The following PHLPP1 variants were observed in gnomAD, a reference collection of about 807,000 sequenced individuals.
PHLPP1 encodes the protein PH domain leucine-rich repeat-containing protein phosphatase 1.
Under a neutral mutation model 117.2 loss-of-function variants are expected in PHLPP1, and 42 were observed. The ratio of observed to expected loss-of-function variants is 0.36; its 90% CI spans 0.28 to 0.46. The LOEUF (loss-of-function observed/expected upper bound fraction) is 0.46. Ranked by LOEUF, PHLPP1 falls within the 20% of genes least tolerant of loss-of-function variation. The pLI is 1.00. For synonymous variants in PHLPP1, 1,042 were observed against 970.7 expected, an observed-to-expected ratio of 1.07 and a Z score of -1.37; for missense variants, 2,084 against 2,241.9, an observed-to-expected ratio of 0.93 and a Z score of 1.42.
chr18:62,767,489 A>G (rs1912587623), intron 1 of PHLPP1, among the ~76,000 whole-genome samples: 2 of 152,228 alleles, frequency 1.3e-5, no homozygotes, highest in African/African-American at 2.4e-5. Context: ...TCTTCCGTAC[A>G]TGAAAAGTTA....
chr18:62,847,772 A>T (rs773304107), intron 3 of PHLPP1, among the ~76,000 whole-genome samples: 1 of 151,996 alleles, frequency 6.6e-6, no homozygotes. Flanking sequence ...AAAAGACCAG[A>T]CTCTCACACC....
intron 4 of PHLPP1, among the ~76,000 whole-genome samples, chr18:62,880,132 G>GA (rs1290590829): frequency 1.3e-5 from 2 of 151,946 alleles, no homozygotes; most frequent in Non-Finnish European, 2.9e-5. Context: ...AAGAACTCAA[G>GA]AAATGTTTAG....
chr18:62,802,686 C>G (rs1209279585), intron 1 of PHLPP1, among the ~76,000 whole-genome samples: 4 of 151,968 alleles, frequency 2.6e-5, no homozygotes, highest in African/African-American at 4.8e-5. Context: ...ATGTTTTCAT[C>G]CATTTTTCTA....
intron 4 of PHLPP1, among the ~76,000 whole-genome samples, chr18:62,862,951 C>T (rs181026169): frequency 4.6e-5 from 7 of 151,982 alleles, no homozygotes; most frequent in African/African-American, 1.7e-4. Context: ...GAATTAATTA[C>T]GTAGGCAATC....
chr18:62,958,731 C>G lies in PHLPP1; in HGVS notation c.3427C>G (p.Leu1143Val). 1 of 1,614,012 alleles carries G rather than the reference C, an allele frequency of 6.2e-7. No homozygotes were observed. The highest frequency in any genetic ancestry group is 8.5e-7 in the Non-Finnish European group (1 of 1,179,880). Residue 1143 changes from leucine to valine, a missense_variant, in exon 13 of 17, where the codon CTT becomes GTT. Transcript: ENST00000262719. ...LDLTGNPRLV[L>V]DHKTLELLNN... Reference sequence around the variant, plus strand: ...CCTGACTGGAAACCCGCGCCTTGTCCTTGATCACAAAACCCTGGAACTACT... The same window carrying G: ...CCTGACTGGAAACCCGCGCCTTGTCGTTGATCACAAAACCCTGGAACTACT...
chr18:62,761,247 G>A (rs1359124733), intron 1 of PHLPP1, among the ~76,000 whole-genome samples: 4 of 152,148 alleles, frequency 2.6e-5, no homozygotes, highest in African/African-American at 9.7e-5. Context: ...TAAAAGCATT[G>A]CAGCATCTCT....
At chr18:62,804,336 A>T (rs1301554000) in intron 1 of PHLPP1, among the ~76,000 whole-genome samples, 4 of 152,110 alleles carry the variant, frequency 2.6e-5, no homozygotes, top group Non-Finnish European at 5.9e-5. Context: ...GGGGAAACAG[A>T]GTCAAACCAT....
chr18:62,848,880 C>T (rs1028054527), intron 3 of PHLPP1, among the ~76,000 whole-genome samples: 4 of 152,162 alleles, frequency 2.6e-5, no homozygotes. Flanking sequence ...TTAAGTTCTA[C>T]TACCTTACTC....
chr18:62,837,522 G>T (rs1914939900), intron 2 of PHLPP1, among the ~76,000 whole-genome samples: 2 of 151,968 alleles, frequency 1.3e-5, no homozygotes, highest in African/African-American at 4.8e-5. Flanking sequence ...TTTATCAATT[G>T]TACTAGTTTT....
chr18:62,917,396 T>TGTGTGTGTGTGTGTGTG (rs1909321733), intron 9 of PHLPP1, among the ~76,000 whole-genome samples: 404 of 141,488 alleles, frequency 2.9e-3, no homozygotes, highest in Non-Finnish European at 3.9e-3. Context: ...ACAGTATTCT[T>TGTGTGTGTGTGTGTGTG]TGTGTGTGTG....
At position 62,716,628 on chromosome 18, in the gene PHLPP1, C is replaced by T. The variant is rs1910749555; in HGVS notation, c.945C>T (p.Arg315=). The T allele has an allele frequency of 1.5e-6, 2 of 1,345,222 alleles. No homozygotes were observed. The highest frequency in any genetic ancestry group is 3.1e-5 in the African/African-American group (2 of 65,138). The allele number at this position is 1,345,222 out of a possible 1,614,324, so 83.3% of individuals were successfully genotyped here. A position where few individuals can be genotyped will look rare whatever the true frequency, so the allele number is the denominator to read the frequency against. ...PVGGPGGWSR[R]ASPAPSDSSP... ...GCGGCCCGGGCGGGTGGTCGCGCCG[C>T]GCCAGCCCAGCGCCCTCGGACTCCA... is the stretch of plus-strand genomic sequence containing the variant. Residue 315 remains arginine (R), a synonymous_variant, in exon 1 of 17, where the codon CGC becomes CGT. Coordinates refer to ENST00000262719, the MANE Select transcript of PHLPP1 (RefSeq NM_194449.4). This position sits in a 1 kb window ranked among gnomAD's most constrained non-coding sequence, Gnocchi z 5.7.
At chr18:62,952,276 GA>G (rs1672310919) in intron 12 of PHLPP1, among the ~76,000 whole-genome samples, 1 of 152,136 alleles carries the variant, frequency 6.6e-6, no homozygotes, top group Non-Finnish European at 1.5e-5. Context: ...GATAAAAAAA[GA>G]AGGGATGATG....
chr18:62,770,400 G>A (rs913811409), intron 1 of PHLPP1, among the ~76,000 whole-genome samples: 1 of 152,156 alleles, frequency 6.6e-6, no homozygotes, highest in Admixed American at 6.5e-5. Flanking sequence ...GTGAGCCACC[G>A]TGCCCGGCCT....
intron 1 of PHLPP1, among the ~76,000 whole-genome samples, chr18:62,820,978 C>T (rs979083581): frequency 2.0e-4 from 31 of 152,144 alleles, no homozygotes; most frequent in African/African-American, 7.5e-4. Context: ...TCTTCAAATA[C>T]GTGTCAATTA....
chr18:62,767,554 T>C (rs1334135319), intron 1 of PHLPP1, among the ~76,000 whole-genome samples: 2 of 152,370 alleles, frequency 1.3e-5, no homozygotes, highest in Admixed American at 6.5e-5. Context: ...AATGAAATGA[T>C]TGAACAGTTT....
chr18:62,743,407 A>G (rs1052737979), intron 1 of PHLPP1, among the ~76,000 whole-genome samples: 6 of 152,022 alleles, frequency 3.9e-5, no homozygotes, highest in Non-Finnish European at 8.8e-5. Context: ...GCAGTTGCCA[A>G]CTCATGGCCA....
intron 12 of PHLPP1, among the ~76,000 whole-genome samples, chr18:62,955,513 G>A (rs940540479): frequency 6.6e-6 from 1 of 152,146 alleles, no homozygotes. Context: ...AGTGGAGCTC[G>A]ACGGAAGGGA....
rs117302822 is a variant in PHLPP1 at position 62,903,905 on chromosome 18, G to A, written c.2647+739G>A. The stretch of plus-strand genomic sequence containing the variant: ...TCCTAAGAATCTGAAAATCAGGGCA[G>A]TTCCAAAAAAGAAAAGGTAGTATGG... On this transcript the variant is annotated intron_variant, in intron 7 of 16. Transcript: ENST00000262719. Among the ~76,000 whole-genome samples, 31 of 152,284 alleles carry A rather than the reference G, an allele frequency of 2.0e-4. 1 individual carries two copies. In the East Asian group the frequency reaches 5.6e-3, roughly 27 times the overall value.
rs1371846067 is a variant in PHLPP1, at chr18:62,972,507, C to CT, written c.3561-5dup. On this transcript the variant is annotated splice_region_variant and splice_polypyrimidine_tract_variant and intron_variant, in intron 14 of 16. Coordinates refer to ENST00000262719, the MANE Select transcript of PHLPP1 (RefSeq NM_194449.4). Reference sequence around the variant, plus strand: ...GGACTCAGCACAGAAGTGTGGTTGCCTTGCAGGTTGTGTGTCGCAGCCCTG... The same window carrying CT: ...GGACTCAGCACAGAAGTGTGGTTGCCTTTGCAGGTTGTGTGTCGCAGCCCTG... 1 of 1,611,162 alleles carries CT rather than the reference C, an allele frequency of 6.2e-7. No homozygotes were observed. The highest frequency in any genetic ancestry group is 8.5e-7 in the Non-Finnish European group (1 of 1,179,260).
Sources: gnomAD v4.1 joint callset for allele counts (sites outside exome capture counted in the v4.1 genomes callset) on GRCh38, gnomAD v4.1.1 for gene constraint, Gnocchi (gnomAD v3.1) non-coding constraint, MANE v1.5 for transcripts, NCBI Gene and HGNC (gene_info 2026-07-23, HGNC 2026-07-21) for gene names.